Variants in CCDC85A observed in about 807,000 individuals in gnomAD.
CCDC85A encodes the protein coiled-coil domain-containing protein 85A.
A neutral mutation model predicts 50.2 loss-of-function variants in CCDC85A; 38 were observed. The observed-to-expected ratio is 0.76, with a 90% CI of 0.58 to 0.99. CCDC85A has a LOEUF of 0.99. Among genes scored for constraint, CCDC85A ranks in the 50% least tolerant of loss-of-function variants. CCDC85A has a pLI of 0.00. For missense variants in CCDC85A, 820 were observed against 742.0 expected (o/e 1.11, Z -1.22); for synonymous variants, 366 against 301.4 (o/e 1.21, Z -2.22).
At chr2:56,211,948 C>A (rs556521698) in intron 2 of CCDC85A, among the ~76,000 whole-genome samples, 1 of 152,170 alleles carries the variant, frequency 6.6e-6, no homozygotes, top group South Asian at 2.1e-4. Flanking sequence ...AACAAGCCAG[C>A]AGTGCCATCT....
rs374812425 is a variant in CCDC85A at position 56,304,466 on chromosome 2, C to T, written c.1241-38413C>T. Among the ~76,000 whole-genome samples the T allele has an allele frequency of 5.3e-5, 8 of 152,174 alleles. No individual in the cohort carries two copies. The East Asian group carries it at 1.4e-3, about 26-fold the overall frequency. ...TGTATTTATGTGAGAGTTCACCGGG[C>T]CAAGTAGACTTAATTATGAGACTAA... is the stretch of plus-strand genomic sequence containing the variant. On this transcript the variant is annotated intron_variant, in intron 2 of 5. Transcript: ENST00000407595.
chr2:56,299,983 G>A (rs1042077918), intron 2 of CCDC85A, among the ~76,000 whole-genome samples: 2 of 152,308 alleles, frequency 1.3e-5, no homozygotes, highest in South Asian at 4.1e-4. Context: ...AGAAAAAGGA[G>A]AAAGAATTGT....
chr2:56,231,858 C>T, intron 2 of CCDC85A, among the ~76,000 whole-genome samples: 1 of 152,102 alleles, frequency 6.6e-6, no homozygotes, highest in East Asian at 1.9e-4. Flanking sequence ...CCCTACTTTA[C>T]TGAGACAGCT....
At chr2:56,316,794 C>A (rs887331853) in intron 2 of CCDC85A, among the ~76,000 whole-genome samples, 1 of 152,128 alleles carries the variant, frequency 6.6e-6, no homozygotes, top group Non-Finnish European at 1.5e-5. Context: ...ATTCCCACTT[C>A]TGTTTCAGGC....
At chr2:56,302,847 C>A (rs1672270440) in intron 2 of CCDC85A, among the ~76,000 whole-genome samples, 1 of 152,082 alleles carries the variant, frequency 6.6e-6, no homozygotes, top group African/African-American at 2.4e-5. Context: ...GAGAATGGGT[C>A]CTTAGTAAAT....
intron 2 of CCDC85A, among the ~76,000 whole-genome samples, chr2:56,308,240 A>G (rs774062157): frequency 2.0e-5 from 3 of 152,108 alleles, no homozygotes; most frequent in Non-Finnish European, 2.9e-5. Flanking sequence ...CTGAAACCCA[A>G]TCTTTGAGCT....
intron 2 of CCDC85A, among the ~76,000 whole-genome samples, chr2:56,288,452 A>G (rs1444420735): frequency 1.3e-5 from 2 of 152,192 alleles, no homozygotes; most frequent in Non-Finnish European, 2.9e-5. Flanking sequence ...TTTGATTGAT[A>G]CTTCATAAAT....
chr2:56,297,254 A>G (rs73940643), intron 2 of CCDC85A, among the ~76,000 whole-genome samples: 5,640 of 152,236 alleles, frequency 0.037, 351 homozygotes, highest in African/African-American at 0.13. Context: ...ATGGATTCTT[A>G]CTGGTATGCT....
intron 2 of CCDC85A, among the ~76,000 whole-genome samples, chr2:56,292,487 C>T (rs560330435): frequency 2.6e-5 from 4 of 152,312 alleles, no homozygotes; most frequent in Admixed American, 2.0e-4. Flanking sequence ...CTATAGACCC[C>T]TCTGCCTTCC....
At chr2:56,377,843 G>A (rs1331511383) in intron 5 of CCDC85A, among the ~76,000 whole-genome samples, 3 of 151,062 alleles carry the variant, frequency 2.0e-5, no homozygotes, top group South Asian at 4.2e-4. Flanking sequence ...AGCCGAGATC[G>A]TGCCATTGCA....
At chr2:56,331,968 C>G (rs532712158) in intron 2 of CCDC85A, among the ~76,000 whole-genome samples, 1 of 152,138 alleles carries the variant, frequency 6.6e-6, no homozygotes, top group Non-Finnish European at 1.5e-5. Flanking sequence ...TGCTCTCTGG[C>G]GGTGCAGAGC....
chr2:56,277,988 A>T (rs1161887055), intron 2 of CCDC85A, among the ~76,000 whole-genome samples: 1 of 152,228 alleles, frequency 6.6e-6, no homozygotes, highest in East Asian at 1.9e-4. Flanking sequence ...GGGTGGGATT[A>T]GGTGAGCATG....
At chr2:56,267,103 T>C (rs1558614181) in intron 2 of CCDC85A, among the ~76,000 whole-genome samples, 2 of 152,186 alleles carry the variant, frequency 1.3e-5, no homozygotes, top group African/African-American at 4.8e-5. Flanking sequence ...AATATGTTCT[T>C]GGGCTTGGTT....
intron 4 of CCDC85A, among the ~76,000 whole-genome samples, 159 bp from the exon 5 acceptor site, chr2:56,375,653 CAAGT>C (rs1676297174): frequency 6.6e-6 from 1 of 152,128 alleles, no homozygotes; most frequent in African/African-American, 2.4e-5. Flanking sequence ...GGTCAAGCAG[CAAGT>C]GTGTTCCAAT....
intron 2 of CCDC85A, among the ~76,000 whole-genome samples, chr2:56,266,558 T>C (rs916961472): frequency 6.7e-6 from 1 of 149,176 alleles, no homozygotes; most frequent in Non-Finnish European, 1.5e-5. Context: ...ATATATATAA[T>C]TGTCAATTAA....
intron 2 of CCDC85A, among the ~76,000 whole-genome samples, chr2:56,273,312 C>T (rs192660951): frequency 7.3e-4 from 111 of 152,048 alleles, no homozygotes; most frequent in Admixed American, 2.8e-3. Context: ...AACTGAAAGA[C>T]GTGTTTCTAA....
At position 56,342,930 on chromosome 2, in the gene CCDC85A, A is replaced by G; in HGVS notation, c.1292A>G (p.Glu431Gly). The change falls in exon 3 of 6, where the codon GAG (glutamate) becomes GGG (glycine). Residue 431 changes from glutamate (E) to glycine (G), a missense_variant. Transcript: ENST00000407595. The stretch of plus-strand genomic sequence containing the variant: ...CTGGAGGCAAGAGTAAGACAGCTGG[A>G]GGAAGAAAATCGCATGCTGCCCCAG... ...RQLEARVRQL[E>G]EENRMLPQAS... 1 of 1,598,356 alleles carries G rather than the reference A, an allele frequency of 6.3e-7. No individual in the cohort carries two copies. Among genetic ancestry groups the G allele is most frequent in the Non-Finnish European group, 8.5e-7 (1 of 1,171,610 alleles).
chr2:56,343,478 C>T (rs544338305), intron 3 of CCDC85A, among the ~76,000 whole-genome samples: 2 of 152,174 alleles, frequency 1.3e-5, no homozygotes, highest in Non-Finnish European at 2.9e-5. Flanking sequence ...GACTTCATTT[C>T]TTTCCCCTTA....
chr2:56,358,300 G>A (rs966379982), intron 3 of CCDC85A, among the ~76,000 whole-genome samples: 2 of 152,154 alleles, frequency 1.3e-5, no homozygotes, highest in East Asian at 1.9e-4. Context: ...GTTTTATCCA[G>A]TTGGGAAGGT....
Sources: gnomAD v4.1 joint callset for allele counts (sites outside exome capture counted in the v4.1 genomes callset) on GRCh38, gnomAD v4.1.1 for gene constraint, MANE v1.5 for transcripts, NCBI Gene and HGNC (gene_info 2026-07-23, HGNC 2026-07-21) for gene names.